Variants in RAB27B observed in about 807,000 individuals in gnomAD.
The protein encoded by RAB27B is RAB27B, member RAS oncogene family, also known as ras-related protein Rab-27B.
RAB27B carries 15 observed loss-of-function variants against 24.6 expected under a neutral mutation model. The ratio of observed to expected loss-of-function variants is 0.61; its 90% CI spans 0.41 to 0.94. The LOEUF (loss-of-function observed/expected upper bound fraction) is 0.94, where lower values mean the gene tolerates loss of function less well. RAB27B is among the 40% of genes least tolerant of loss of function. The pLI, the probability that RAB27B is intolerant of heterozygous loss-of-function variation, is 0.00. For synonymous variants in RAB27B, 105 were observed against 92.5 expected, an observed-to-expected ratio of 1.14 and a Z score of -0.78; for missense variants, 261 against 266.8, an observed-to-expected ratio of 0.98 and a Z score of 0.15.
At chr18:54,742,312 A>G (rs1249849303) in intron 2 of RAB27B, among the ~76,000 whole-genome samples, 1 of 152,200 alleles carries the variant, frequency 6.6e-6, no homozygotes, top group Non-Finnish European at 1.5e-5. Flanking sequence ...ATTATCGTAC[A>G]TGCGGTTTAT....
chr18:54,749,683 T>C (rs965850676), intron 2 of RAB27B, among the ~76,000 whole-genome samples: 1 of 152,128 alleles, frequency 6.6e-6, no homozygotes, highest in African/African-American at 2.4e-5. Flanking sequence ...AGCTACTGAG[T>C]GGGATAAAAG....
chr18:54,822,628 T>C (rs1277516886), intron 2 of RAB27B, among the ~76,000 whole-genome samples: 3 of 152,262 alleles, frequency 2.0e-5, no homozygotes, highest in African/African-American at 7.2e-5. Context: ...TGTATGTGTA[T>C]TGTCATATGA....
intron 2 of RAB27B, among the ~76,000 whole-genome samples, chr18:54,739,654 A>G (rs1438221668): frequency 1.3e-5 from 2 of 151,836 alleles, no homozygotes; most frequent in Non-Finnish European, 2.9e-5. Context: ...TAAGAGTGGA[A>G]TGGCTGAGCC....
At chr18:54,763,497 GA>G (rs1908261334) in intron 2 of RAB27B, among the ~76,000 whole-genome samples, 1 of 152,096 alleles carries the variant, frequency 6.6e-6, no homozygotes, top group African/African-American at 2.4e-5. Flanking sequence ...TTGGTAGGTG[GA>G]GATTATCAGT....
At chr18:54,726,279 C>A (rs1183818649) in intron 2 of RAB27B, among the ~76,000 whole-genome samples, 3 of 151,518 alleles carry the variant, frequency 2.0e-5, no homozygotes, top group Admixed American at 6.6e-5. Context: ...TTTAAGTTAT[C>A]TAGGTGATAC....
intron 1 of RAB27B, among the ~76,000 whole-genome samples, chr18:54,855,478 T>C (rs1315170257): frequency 6.6e-6 from 1 of 152,222 alleles, no homozygotes; most frequent in Non-Finnish European, 1.5e-5. Flanking sequence ...GTTCTGTTGC[T>C]CCATTAGCAG....
rs377588631 is a variant in RAB27B at position 54,888,972 on chromosome 18, T to G, written c.468-252T>G. ...TTTTAAACAGTGATAATGCCTTGGC[T>G]TCAACTTCCTGACTACCTCTTGTGT... On this transcript the variant is annotated intron_variant, in intron 5 of 5. Coordinates refer to ENST00000262094, the MANE Select transcript of RAB27B (RefSeq NM_004163.4). Among the ~76,000 whole-genome samples the G allele has an allele frequency of 7.6e-4, 115 of 152,272 alleles. No homozygotes were observed. In the South Asian group the frequency reaches 0.017, roughly 23 times the overall value.
At chr18:54,878,738 A>C (rs1210886026) in intron 2 of RAB27B, among the ~76,000 whole-genome samples, 2 of 118,846 alleles carry the variant, frequency 1.7e-5, no homozygotes, top group Non-Finnish European at 3.6e-5. Context: ...TTGCTTAAAC[A>C]ATAAAAAGGC....
At chr18:54,821,111 C>T (rs977510520) in intron 2 of RAB27B, among the ~76,000 whole-genome samples, 67 of 152,020 alleles carry the variant, frequency 4.4e-4, no homozygotes, top group South Asian at 6.2e-4. Flanking sequence ...TGTTTGCAGA[C>T]GACATGATTG....
intron 1 of RAB27B, among the ~76,000 whole-genome samples, chr18:54,842,576 G>A (rs557795686): frequency 2.0e-5 from 3 of 152,226 alleles, no homozygotes; most frequent in East Asian, 3.9e-4. Flanking sequence ...TATATTAATA[G>A]GATAGGTAGA....
chr18:54,869,100 G>A (rs1356968705), intron 1 of RAB27B, among the ~76,000 whole-genome samples: 1 of 152,076 alleles, frequency 6.6e-6, no homozygotes, highest in African/African-American at 2.4e-5. Flanking sequence ...TATTAATTAG[G>A]GATTCACTTT....
chr18:54,831,069 C>A (rs11152014), intron 1 of RAB27B, among the ~76,000 whole-genome samples: 31,017 of 151,970 alleles, frequency 0.2, 3,650 homozygotes, highest in African/African-American at 0.31. Context: ...CAAAGACCAA[C>A]CTAGATAAGC....
Position 54,892,219 on chromosome 18 carries a change from A to G in RAB27B, c.*2806A>G, listed in dbSNP as rs1913395741. The G allele has an allele frequency of 6.6e-6, 1 of 152,058 alleles. No individual in the cohort carries two copies. The highest frequency in any genetic ancestry group is 1.5e-5 in the Non-Finnish European group (1 of 67,986). The allele number at this position is 152,058 out of a possible 1,614,324, so 9.4% of individuals were successfully genotyped here. A position where few individuals can be genotyped will look rare whatever the true frequency, so the allele number is the denominator to read the frequency against. Reference sequence around the variant, plus strand: ...AAAATGTACATGAAGCTCCTTTCTGATATAGAAACCATTTCTGGAGTATTT... The same window carrying G: ...AAAATGTACATGAAGCTCCTTTCTGGTATAGAAACCATTTCTGGAGTATTT... On this transcript the variant is annotated 3_prime_UTR_variant, in exon 6 of 6. Transcript: ENST00000262094.
rs1735586354 is a variant in RAB27B at position 54,890,453 on chromosome 18, A to G, written c.*1040A>G. On this transcript the variant is annotated 3_prime_UTR_variant, in exon 6 of 6. Coordinates refer to ENST00000262094, the MANE Select transcript of RAB27B (RefSeq NM_004163.4). ...AAATAAGATGGTGATATGAAACAAA[A>G]AGTGGCAATTATTGCAGGTTTCCTT... 6.6e-6 allele frequency: 1 copy of G among 152,186 alleles called. No homozygotes were observed. The highest frequency in any genetic ancestry group is 1.5e-5 in the Non-Finnish European group (1 of 68,014). The allele number at this position is 152,186 out of a possible 1,614,324, so 9.4% of individuals were successfully genotyped here. A position where few individuals can be genotyped will look rare whatever the true frequency, so the allele number is the denominator to read the frequency against.
intron 1 of RAB27B, among the ~76,000 whole-genome samples, chr18:54,868,773 T>G (rs1434852083): frequency 6.6e-6 from 1 of 152,162 alleles, no homozygotes; most frequent in Non-Finnish European, 1.5e-5. Flanking sequence ...ATTACAGACG[T>G]GTGCCACCAC....
intron 2 of RAB27B, among the ~76,000 whole-genome samples, chr18:54,733,083 T>C (rs1909775083): frequency 6.6e-6 from 1 of 152,182 alleles, no homozygotes; most frequent in Non-Finnish European, 1.5e-5. Context: ...TTTTGCTCTG[T>C]TACCCAGGCT....
chr18:54,829,488 G>A (rs970324797), intron 1 of RAB27B, among the ~76,000 whole-genome samples: 8 of 152,078 alleles, frequency 5.3e-5, no homozygotes, highest in African/African-American at 1.9e-4. Flanking sequence ...GTTTTAAACT[G>A]CACATCATTA....
At chr18:54,848,470 G>C (rs1043863565) in intron 1 of RAB27B, among the ~76,000 whole-genome samples, 1 of 152,142 alleles carries the variant, frequency 6.6e-6, no homozygotes, top group African/African-American at 2.4e-5. Flanking sequence ...ATTTGGGTAA[G>C]AATGGGCTGC....
intron 2 of RAB27B, among the ~76,000 whole-genome samples, chr18:54,743,735 C>T (rs1434909668): frequency 6.6e-6 from 1 of 152,096 alleles, no homozygotes; most frequent in Non-Finnish European, 1.5e-5. Context: ...CAACAAAGAG[C>T]CAGAGTGGAC....
Sources: allele counts gnomAD v4.1 joint callset (sites outside exome capture counted in the v4.1 genomes callset), GRCh38; gene constraint gnomAD v4.1.1; transcripts MANE v1.5; gene names NCBI Gene and HGNC (gene_info 2026-07-23, HGNC 2026-07-21).